Variants in ABCC1 observed in about 807,000 individuals in gnomAD.
ABCC1 encodes the protein ATP binding cassette subfamily C member 1 (ABCC1 blood group), also known as multidrug resistance-associated protein 1.
A neutral mutation model predicts 172.9 loss-of-function variants in ABCC1; 83 were observed. The ratio of observed to expected loss-of-function variants is 0.48; its 90% CI spans 0.40 to 0.58. The LOEUF is 0.58. Among genes scored for constraint, ABCC1 ranks in the 20% least tolerant of loss-of-function variants. The pLI is 0.00. For missense variants in ABCC1, 1,817 were observed against 2,002.7 expected (o/e 0.91, Z 1.77); for synonymous variants, 937 against 825.2 (o/e 1.14, Z -2.32).
intron 16 of ABCC1, among the ~76,000 whole-genome samples, chr16:16,082,625 C>T (rs45585335): frequency 2.3e-3 from 351 of 152,204 alleles, no homozygotes; most frequent in African/African-American, 8.1e-3. Context: ...AGATCCTTCC[C>T]GGATGTCCCA....
At chr16:16,095,963 A>T (rs2152037424) in intron 19 of ABCC1, among the ~76,000 whole-genome samples, 1 of 152,194 alleles carries the variant, frequency 6.6e-6, no homozygotes, top group East Asian at 1.9e-4. Context: ...ACATTTGCAA[A>T]CTACAAAAGA....
chr16:16,076,313 CTG>C lies in ABCC1; in HGVS notation c.1913-10_1913-9del, dbSNP rs753188796. The stretch of plus-strand genomic sequence containing the variant: ...AGCTCAGCCTGTCCCTGACATGTCT[CTG>C]TGCTTTGTAGGCGGGGGCACGAACA... On this transcript the variant is annotated splice_polypyrimidine_tract_variant and intron_variant, in intron 14 of 30. Transcript: ENST00000399410. The C allele has an allele frequency of 6.1e-5, 99 of 1,612,542 alleles. No individual in the cohort carries two copies. The African/African-American group carries it at 1.1e-3, about 19-fold the overall frequency.
chr16:16,076,584 A>C (rs972333740), intron 15 of ABCC1, among the ~76,000 whole-genome samples, 183 bp downstream of exon 15: 16 of 152,144 alleles, frequency 1.1e-4, no homozygotes, highest in Admixed American at 2.0e-4. Context: ...CTGTCGTGAG[A>C]AGCAGACACA....
chr16:16,106,831 G>T lies in ABCC1; in HGVS notation c.2829G>T (p.Glu943Asp), dbSNP rs763342308. ...AGAAAGCTGAGGCCAAGAAGGAGGA[G>T]ACCTGGAAGCTGATGGAGGCTGACA... ...ELQKAEAKKE[E>D]TWKLMEADKA... The change falls in exon 21 of 31, where the codon GAG becomes GAT. Residue 943 changes from glutamate (E) to aspartate (D), a missense_variant. Physicochemically the swap from Glu to Asp is conservative, Grantham distance 45 (BLOSUM62 2). Around this residue, in one of 3 missense-constraint regions of ABCC1, gnomAD observed 1,412 missense variants for 1,600.3 expected, o/e 0.88. Transcript: ENST00000399410. The T allele has an allele frequency of 1.0e-4, 166 of 1,614,056 alleles. 3 individuals are homozygous for T. In the South Asian group the frequency reaches 1.8e-3, roughly 17 times the overall value.
chr16:15,984,233 A>ATG (rs1458910092), intron 1 of ABCC1, among the ~76,000 whole-genome samples: 1 of 152,170 alleles, frequency 6.6e-6, no homozygotes, highest in Non-Finnish European at 1.5e-5. Flanking sequence ...TTGTGCACAG[A>ATG]TGTGCGGCAG....
At chr16:16,038,645 A>C (rs2048848212) in intron 7 of ABCC1, among the ~76,000 whole-genome samples, 1 of 152,124 alleles carries the variant, frequency 6.6e-6, no homozygotes, top group African/African-American at 2.4e-5. Context: ...ACCCAGAAAT[A>C]ACACTTTAAC....
At chr16:15,960,000 A>G (rs1430556856) in intron 1 of ABCC1, among the ~76,000 whole-genome samples, 5 of 152,268 alleles carry the variant, frequency 3.3e-5, no homozygotes, top group Admixed American at 2.6e-4. Context: ...TTTCTCTCTG[A>G]GGAACCTCAG....
chr16:16,059,779 G>A (rs145610002), intron 12 of ABCC1, among the ~76,000 whole-genome samples: 81 of 152,038 alleles, frequency 5.3e-4, no homozygotes, highest in African/African-American at 1.5e-3. Context: ...ACTCCTGGCT[G>A]GGCAACAGAG....
chr16:16,042,173 GTTTTTTTTTTTT>G (rs57457665), intron 7 of ABCC1, among the ~76,000 whole-genome samples: 2 of 133,798 alleles, frequency 1.5e-5, no homozygotes, highest in African/African-American at 5.4e-5. Flanking sequence ...GAGTTTGGCA[GTTTTTTTTTTTT>G]TTTTTTTTAA....
intron 18 of ABCC1, among the ~76,000 whole-genome samples, chr16:16,088,369 C>T (rs571297909): frequency 6.6e-6 from 1 of 152,232 alleles, no homozygotes; most frequent in East Asian, 1.9e-4. Flanking sequence ...GTCTTGAACC[C>T]GGGACGTGGA....
chr16:16,010,535 T>C (rs1247811519), intron 3 of ABCC1, among the ~76,000 whole-genome samples: 1 of 152,156 alleles, frequency 6.6e-6, no homozygotes, highest in Non-Finnish European at 1.5e-5. Flanking sequence ...GAGTTTTCAC[T>C]ATCTGGCATA....
chr16:16,116,367 T>A lies in ABCC1; in HGVS notation c.3390+1291T>A, dbSNP rs564298993. 2.7e-3 allele frequency among the ~76,000 whole-genome samples: 411 copies of A among 152,172 alleles called. 3 individuals are homozygous for A. Among genetic ancestry groups the A allele is most frequent in the Non-Finnish European group, 4.9e-3 (331 of 68,014 alleles). ...TATCTGCAGGCACACATTCTAAGACTCCCCCAATGGATGCCTTAAACTGCA... is the reference window on the plus strand; with the variant it reads ...TATCTGCAGGCACACATTCTAAGACACCCCCAATGGATGCCTTAAACTGCA... On this transcript the variant is annotated intron_variant, in intron 23 of 30. Transcript: ENST00000399410.
intron 1 of ABCC1, among the ~76,000 whole-genome samples, chr16:15,989,188 TC>T: frequency 1.3e-5 from 2 of 152,190 alleles, no homozygotes; most frequent in Non-Finnish European, 2.9e-5. Flanking sequence ...GCCCCTGCCT[TC>T]CTGGGTGATG....
At chr16:16,009,682 G>T in intron 2 of ABCC1, 94 bp from the exon 3 acceptor site, 1 of 1,323,550 alleles carries the variant, frequency 7.6e-7, no homozygotes, top group East Asian at 2.7e-5. Context: ...AAGGCTGGCT[G>T]GTTCTCCTAT....
chr16:16,044,657 G>A lies in ABCC1; in HGVS notation c.1017G>A (p.Met339Ile), dbSNP rs1187173305. 6.2e-7 allele frequency: 1 copy of A among 1,614,150 alleles called. No homozygotes were observed. The highest frequency in any genetic ancestry group is 2.2e-5 in the East Asian group (1 of 44,878). ...TCAAGGCCATCCACGACCTGATGAT[G>A]TTTTCCGGGCCGCAGATCTTAAAGT... ...FFFKAIHDLM[M>I]FSGPQILKLL... The change falls in exon 8 of 31, where the codon ATG (methionine) becomes ATA (isoleucine). Residue 339 changes from methionine (M) to isoleucine (I), a missense_variant. This residue lies in a region of ABCC1 where 1,412 missense variants were observed against 1,600.3 expected (regional missense o/e 0.88). Transcript: ENST00000399410.
intron 1 of ABCC1, among the ~76,000 whole-genome samples, chr16:15,998,126 TA>T (rs1364686718): frequency 1.3e-5 from 2 of 149,448 alleles, no homozygotes; most frequent in African/African-American, 5.0e-5. Flanking sequence ...CCAGTCCCGA[TA>T]CTTTGTTTCT....
chr16:16,018,890 C>G (rs1351154390), intron 5 of ABCC1, among the ~76,000 whole-genome samples: 1 of 151,976 alleles, frequency 6.6e-6, no homozygotes, highest in East Asian at 1.9e-4. Flanking sequence ...GTAATCCCAG[C>G]ACTTTGAAAG....
chr16:16,072,596 C>T (rs765647887), intron 14 of ABCC1, among the ~76,000 whole-genome samples: 1 of 151,730 alleles, frequency 6.6e-6, no homozygotes, highest in Non-Finnish European at 1.5e-5. Context: ...CTCAGCCTCC[C>T]AAAGTGCTGG....
chr16:15,986,601 C>T (rs1324455616), intron 1 of ABCC1, among the ~76,000 whole-genome samples: 1 of 152,228 alleles, frequency 6.6e-6, no homozygotes, highest in Non-Finnish European at 1.5e-5. Context: ...CCACCCCCCG[C>T]CATCCCTGGC....
Sources: gnomAD v4.1 joint callset for allele counts (sites outside exome capture counted in the v4.1 genomes callset) on GRCh38, gnomAD v4.1.1 for gene constraint, gnomAD v4.1.1 regional missense constraint, MANE v1.5 for transcripts, NCBI Gene and HGNC (gene_info 2026-07-23, HGNC 2026-07-21) for gene names.